Variants in BAZ2B observed in about 807,000 individuals in gnomAD.
BAZ2B encodes the protein bromodomain adjacent to zinc finger domain protein 2B.
A neutral mutation model predicts 246.0 loss-of-function variants in BAZ2B; 91 were observed. The observed-to-expected ratio is 0.37, with a 90% CI of 0.31 to 0.44. The LOEUF is 0.44. BAZ2B is among the 20% of genes least tolerant of loss of function. The pLI is 1.00. For missense variants in BAZ2B, 2,332 were observed against 2,533.7 expected, an observed-to-expected ratio of 0.92 and a Z score of 1.71; for synonymous variants, 855 against 860.0, an observed-to-expected ratio of 0.99 and a Z score of 0.10.
intron 16 of BAZ2B, among the ~76,000 whole-genome samples, chr2:159,402,196 C>A (rs186465244): frequency 6.6e-6 from 1 of 152,004 alleles, no homozygotes; most frequent in Non-Finnish European, 1.5e-5. Context: ...ACCTGTAATC[C>A]TAGCACTCTG....
intron 18 of BAZ2B, chr2:159,398,284 T>C (rs1236654515): frequency 6.6e-6 from 1 of 152,088 alleles, no homozygotes; most frequent in Non-Finnish European, 1.5e-5. Flanking sequence ...CACCCCCAAA[T>C]ACATGAAGTT....
At chr2:159,657,695 T>C in the BAZ2B span, among the ~76,000 whole-genome samples, 2 of 152,236 alleles carry the variant, frequency 1.3e-5, no homozygotes, top group African/African-American at 4.8e-5. Flanking sequence ...GATTTATATC[T>C]AAGTACTTCT....
chr2:159,419,473 A>G (rs2068347077), intron 13 of BAZ2B, among the ~76,000 whole-genome samples: 1 of 152,314 alleles, frequency 6.6e-6, no homozygotes, highest in African/African-American at 2.4e-5. Context: ...AAAGGGTGAT[A>G]GATTATCAAC....
the BAZ2B span, among the ~76,000 whole-genome samples, chr2:159,682,968 CT>C: frequency 6.6e-4 from 98 of 148,424 alleles, no homozygotes; most frequent in African/African-American, 2.2e-3. Context: ...CTTACATCAC[CT>C]TTTTTTTTTC....
rs117282309 is a variant in BAZ2B at position 159,529,890 on chromosome 2, T to C, written c.-3+25933A>G. Among the ~76,000 whole-genome samples, 93 of 152,312 alleles carry C rather than the reference T, an allele frequency of 6.1e-4. 1 individual carries two copies. The East Asian group carries it at 0.015, about 25-fold the overall frequency. On this transcript the variant is annotated intron_variant, in intron 2 of 36. Coordinates refer to ENST00000392783, the MANE Select transcript of BAZ2B (RefSeq NM_013450.4). ...AAATACCTACATATCAACATATTCATTGATAAAAACAGTATTTTCACTTAT... is the reference window on the plus strand; with the variant it reads ...AAATACCTACATATCAACATATTCACTGATAAAAACAGTATTTTCACTTAT...
chr2:159,465,329 T>C (rs7564053), intron 3 of BAZ2B, among the ~76,000 whole-genome samples: 37,214 of 152,102 alleles, frequency 0.24, 4,878 homozygotes, highest in East Asian at 0.42. Flanking sequence ...TTTAATTTGA[T>C]TAGCTCTGTA....
chr2:159,449,146 T>C (rs892912755), intron 4 of BAZ2B, among the ~76,000 whole-genome samples: 1 of 152,178 alleles, frequency 6.6e-6, no homozygotes, highest in Non-Finnish European at 1.5e-5. Flanking sequence ...TGACCAGTGG[T>C]AGAAAATCAT....
intron 26 of BAZ2B, 113 bp from the exon 27 acceptor site, chr2:159,373,302 G>A (rs778330684): frequency 5.5e-6 from 5 of 909,280 alleles, no homozygotes; most frequent in Non-Finnish European, 7.5e-6. Context: ...TTCACTACTG[G>A]GAAAAGAGCA....
the BAZ2B span, among the ~76,000 whole-genome samples, chr2:159,659,600 A>C: frequency 6.6e-6 from 1 of 152,216 alleles, no homozygotes; most frequent in African/African-American, 2.4e-5. Context: ...TATTCCTCTG[A>C]CATCAAATGT....
At chr2:159,555,629 A>G (rs958836157) in intron 2 of BAZ2B, 194 bp downstream of exon 2, 4 of 152,190 alleles carry the variant, frequency 2.6e-5, no homozygotes, top group African/African-American at 9.7e-5. Context: ...TGTTTTTTAA[A>G]TCCTTTAAAG....
chr2:159,628,596 T>C, the BAZ2B span, among the ~76,000 whole-genome samples: 2 of 152,028 alleles, frequency 1.3e-5, no homozygotes, highest in Non-Finnish European at 2.9e-5. Context: ...ATAAATGGTG[T>C]TGGGAAAACT....
At chr2:159,679,096 C>T in the BAZ2B span, among the ~76,000 whole-genome samples, 1 of 151,872 alleles carries the variant, frequency 6.6e-6, no homozygotes. Flanking sequence ...CACGGTGAAA[C>T]CCAGTCTCTG....
At chr2:159,443,372 C>T (rs1302777189) in intron 6 of BAZ2B, among the ~76,000 whole-genome samples, 2 of 152,034 alleles carry the variant, frequency 1.3e-5, no homozygotes, top group Non-Finnish European at 2.9e-5. Flanking sequence ...GGGGACTGGA[C>T]TTAATCAATG....
At chr2:159,316,685 A>C (rs1468367401), downstream of BAZ2B, among the ~76,000 whole-genome samples, 1 of 83,746 alleles carries the variant, frequency 1.2e-5, no homozygotes, top group Non-Finnish European at 2.3e-5. Flanking sequence ...GCAAGACTCC[A>C]TCTCAAAAAA....
At chr2:159,493,327 AG>A (rs1180244591) in intron 2 of BAZ2B, among the ~76,000 whole-genome samples, 1 of 152,364 alleles carries the variant, frequency 6.6e-6, no homozygotes, top group East Asian at 1.9e-4. Flanking sequence ...ACATCATTAT[AG>A]AAAGTTTTAT....
At position 159,527,620 on chromosome 2, in the gene BAZ2B, GAGA is replaced by G. The variant is rs145698176; in HGVS notation, c.-3+28200_-3+28202del. On this transcript the variant is annotated intron_variant, in intron 2 of 36. Transcript: ENST00000392783. ...GATCCAAACAGGTTCTGAGCTACAG[GAGA>G]AGAAGAACTGAACAATCTTTTCATC... Among the ~76,000 whole-genome samples, 363 of 152,184 alleles carry G rather than the reference GAGA, an allele frequency of 2.4e-3. 2 individuals are homozygous for G. The highest frequency in any genetic ancestry group is 8.2e-3 in the African/African-American group (340 of 41,516).
At chr2:159,357,045 C>G (rs764480235) in intron 27 of BAZ2B, among the ~76,000 whole-genome samples, 1 of 152,034 alleles carries the variant, frequency 6.6e-6, no homozygotes, top group Non-Finnish European at 1.5e-5. Context: ...GCTAAAAATT[C>G]CCAAAACCAG....
chr2:159,430,409 C>T (rs780273456), intron 10 of BAZ2B, among the ~76,000 whole-genome samples: 4 of 152,114 alleles, frequency 2.6e-5, no homozygotes, highest in Non-Finnish European at 4.4e-5. Context: ...ATACAACATA[C>T]GTTAATTGAC....
the BAZ2B span, among the ~76,000 whole-genome samples, chr2:159,633,353 A>G: frequency 1.8e-4 from 28 of 152,350 alleles, no homozygotes; most frequent in African/African-American, 5.0e-4. Context: ...AAATGATTAC[A>G]CAATTTACTT....
Sources: gnomAD v4.1 joint callset for allele counts (sites outside exome capture counted in the v4.1 genomes callset) on GRCh38, gnomAD v4.1.1 for gene constraint, MANE v1.5 for transcripts, NCBI Gene and HGNC (gene_info 2026-07-23, HGNC 2026-07-21) for gene names.